The following AFAP1 variants were observed in gnomAD, a reference collection of about 807,000 sequenced individuals.
AFAP1 encodes actin filament associated protein 1, also known as actin filament-associated protein 1.
In AFAP1, 75 loss-of-function variants were observed where a neutral mutation model predicts 93.9. The ratio of observed to expected loss-of-function variants is 0.80; its 90% CI spans 0.66 to 0.97. AFAP1 has a LOEUF of 0.97. Ranked by LOEUF, AFAP1 falls within the 50% of genes least tolerant of loss-of-function variation. The probability of loss-of-function intolerance (pLI) is 0.00; values close to 1 mark genes in which losing one functional copy is unlikely to be tolerated. For synonymous variants in AFAP1, 517 were observed against 430.7 expected (o/e 1.20, Z -2.48); for missense variants, 1,201 against 1,050.8 (o/e 1.14, Z -1.98).
In AFAP1 at chr4:7,761,520, GTGCTGCTCACACTTCACCTGCCAGCTCGC is replaced by G. The variant is rs1461127475; in HGVS notation, c.*2216_*2244del. 1 of 152,252 alleles carries G rather than the reference GTGCTGCTCACACTTCACCTGCCAGCTCGC, an allele frequency of 6.6e-6. No homozygotes were observed. The highest frequency in any genetic ancestry group is 1.5e-5 in the Non-Finnish European group (1 of 68,066). The allele number at this position is 152,252 out of a possible 1,614,324, so 9.4% of individuals were successfully genotyped here. On this transcript the variant is annotated 3_prime_UTR_variant, in exon 18 of 18. Coordinates refer to ENST00000420658, the MANE Select transcript of AFAP1 (RefSeq NM_001134647.2). ...GGCTAAGGCCCACGTGACACTTTGC[GTGCTGCTCACACTTCACCTGCCAGCTCGC>G]TGCTGCCCACCTGTGCTGGGCCAGG...
intron 6 of AFAP1, among the ~76,000 whole-genome samples, chr4:7,829,724 G>C (rs577766958): frequency 6.6e-6 from 1 of 152,282 alleles, no homozygotes; most frequent in African/African-American, 2.4e-5. Flanking sequence ...ACACTCTATT[G>C]GCAAGGCTAC....
At chr4:7,823,428 A>C (rs886771375) in intron 6 of AFAP1, among the ~76,000 whole-genome samples, 1 of 151,256 alleles carries the variant, frequency 6.6e-6, no homozygotes, top group Non-Finnish European at 1.5e-5. Context: ...CCTCAAGAGG[A>C]AAAAGTGTTG....
At position 7,813,548 on chromosome 4, in the gene AFAP1, G is replaced by GAACC. The variant is rs567298760; in HGVS notation, c.904+2466_904+2469dup. ...GAGAAGAAACAGCAAACCAGAAAAT[G>GAACC]AACCAACCAAACCAACGTCTGCTGT... On this transcript the variant is annotated intron_variant, in intron 8 of 17. Coordinates refer to ENST00000420658, the MANE Select transcript of AFAP1 (RefSeq NM_001134647.2). Among the ~76,000 whole-genome samples the GAACC allele has an allele frequency of 4.3e-4, 65 of 152,292 alleles. No homozygotes were observed. The South Asian group carries it at 0.013, about 32-fold the overall frequency.
intron 10 of AFAP1, among the ~76,000 whole-genome samples, chr4:7,797,654 T>C (rs1254099132): frequency 1.3e-5 from 2 of 152,190 alleles, no homozygotes; most frequent in Non-Finnish European, 2.9e-5. Context: ...TGGGGTTTCC[T>C]TGAGCTCCTG....
At chr4:7,868,329 T>C (rs1374663918) in intron 3 of AFAP1, among the ~76,000 whole-genome samples, 1 of 152,182 alleles carries the variant, frequency 6.6e-6, no homozygotes, top group African/African-American at 2.4e-5. Flanking sequence ...TTGTTTTTCT[T>C]AATCTGACGT....
chr4:7,850,142 A>C (rs1577292970), intron 4 of AFAP1, among the ~76,000 whole-genome samples: 2 of 152,276 alleles, frequency 1.3e-5, no homozygotes, highest in South Asian at 4.1e-4. Context: ...CACTCTAGAG[A>C]AATATAGTAA....
At chr4:7,843,096 G>A (rs758312283) in intron 5 of AFAP1, 43 bp downstream of exon 5, 5 of 1,592,768 alleles carry the variant, frequency 3.1e-6, no homozygotes, top group Non-Finnish European at 3.4e-6. Flanking sequence ...GCTTCTGAGT[G>A]CAGCAATCTT....
intron 12 of AFAP1, among the ~76,000 whole-genome samples, chr4:7,782,241 G>A (rs1216791678): frequency 5.9e-5 from 9 of 152,230 alleles, no homozygotes. Context: ...AGGGAAGGGC[G>A]CGCTCATCCC....
chr4:7,773,979 CTGAGGCATCTGAA>C (rs956625272), intron 15 of AFAP1: 1 of 152,424 alleles, frequency 6.6e-6, no homozygotes, highest in African/African-American at 2.4e-5. Context: ...ACCCAGGGCT[CTGAGGCATCTGAA>C]GCCCCCGTCC....
intron 8 of AFAP1, among the ~76,000 whole-genome samples, chr4:7,810,239 C>T (rs1244974219): frequency 6.6e-6 from 1 of 152,226 alleles, no homozygotes; most frequent in Non-Finnish European, 1.5e-5. Flanking sequence ...CAGCACAACA[C>T]AGGGCTGCTG....
chr4:7,939,674 A>AGCGCTCGCTCCTCGCC lies in AFAP1; in HGVS notation c.-37_-22dup, dbSNP rs1721624829. 2.4e-6 allele frequency: 1 copy of AGCGCTCGCTCCTCGCC among 417,386 alleles called. No individual in the cohort carries two copies. Among genetic ancestry groups the AGCGCTCGCTCCTCGCC allele is most frequent in the Non-Finnish European group, 4.7e-6 (1 of 210,822 alleles). 25.9% of individuals were successfully genotyped at this position (417,386 alleles called of 1,614,324 possible). On this transcript the variant is annotated 5_prime_UTR_variant, in exon 1 of 18. Transcript: ENST00000420658. This position sits in a 1 kb window ranked among gnomAD's most constrained non-coding sequence, Gnocchi z 5.6. ...GTCTCACCTCAGGCCGCCACCTCGCAGCGCTCGCTCCTCGCCGCGGCGCCT... is the reference window on the plus strand; with the variant it reads ...GTCTCACCTCAGGCCGCCACCTCGCAGCGCTCGCTCCTCGCCGCGCTCGCTCCTCGCCGCGGCGCCT...
intron 4 of AFAP1, among the ~76,000 whole-genome samples, chr4:7,846,042 C>G (rs904802006): frequency 3.9e-5 from 6 of 152,192 alleles, no homozygotes; most frequent in East Asian, 1.9e-4. Context: ...AGGAAAAAGT[C>G]TGAGAAGGAG....
At chr4:7,868,125 A>T (rs536427440) in intron 3 of AFAP1, among the ~76,000 whole-genome samples, 18 of 152,158 alleles carry the variant, frequency 1.2e-4, no homozygotes, top group African/African-American at 4.8e-5. Context: ...TTGAATGCAT[A>T]AAACTAAAGT....
At chr4:7,836,264 A>G (rs201724365) in intron 6 of AFAP1, among the ~76,000 whole-genome samples, 1 of 152,224 alleles carries the variant, frequency 6.6e-6, no homozygotes, top group African/African-American at 2.4e-5. Context: ...ATCTGCTTCA[A>G]CATGGACGGA....
chr4:7,870,398 G>C (rs1485842652), intron 2 of AFAP1, among the ~76,000 whole-genome samples: 3 of 152,184 alleles, frequency 2.0e-5, no homozygotes, highest in Admixed American at 6.5e-5. Flanking sequence ...AATGGTTCAT[G>C]CCTATAATGT....
intron 17 of AFAP1, among the ~76,000 whole-genome samples, chr4:7,765,967 C>T (rs911038398): frequency 2.6e-5 from 4 of 152,220 alleles, no homozygotes; most frequent in African/African-American, 4.8e-5. Context: ...AGGATGCAGA[C>T]GCCTGACTCC....
intron 1 of AFAP1, among the ~76,000 whole-genome samples, chr4:7,900,689 A>G (rs148942177): frequency 6.6e-6 from 1 of 152,296 alleles, no homozygotes; most frequent in South Asian, 2.1e-4. Flanking sequence ...ACAAGAAACT[A>G]TAAGCACAAC....
intron 3 of AFAP1, among the ~76,000 whole-genome samples, chr4:7,858,371 C>T (rs1715302594): frequency 6.6e-6 from 1 of 152,038 alleles, no homozygotes; most frequent in Admixed American, 6.6e-5. Context: ...AATAATACCC[C>T]CTCAGAAAAT....
chr4:7,785,054 C>T (rs1194959980), intron 12 of AFAP1, among the ~76,000 whole-genome samples: 7 of 152,180 alleles, frequency 4.6e-5, no homozygotes, highest in Admixed American at 4.6e-4. Flanking sequence ...CAAACCCTCC[C>T]AGTACTGGGA....
Sources: gnomAD v4.1 joint callset for allele counts (sites outside exome capture counted in the v4.1 genomes callset) on GRCh38, gnomAD v4.1.1 for gene constraint, Gnocchi (gnomAD v3.1) non-coding constraint, MANE v1.5 for transcripts, NCBI Gene and HGNC (gene_info 2026-07-23, HGNC 2026-07-21) for gene names.